Variants in SGPP1 observed in about 807,000 individuals in gnomAD.
SGPP1 encodes hSPP1.
In SGPP1, 21 loss-of-function variants were observed where a neutral mutation model predicts 33.0. That is an observed-to-expected ratio of 0.64 (90% confidence interval 0.45 to 0.92). The LOEUF (loss-of-function observed/expected upper bound fraction) is 0.92. Among genes scored for constraint, SGPP1 ranks in the 40% least tolerant of loss-of-function variants. SGPP1 has a pLI of 0.00. For missense variants in SGPP1, 543 were observed against 589.4 expected, an observed-to-expected ratio of 0.92 and a Z score of 0.81; for synonymous variants, 239 against 241.2, an observed-to-expected ratio of 0.99 and a Z score of 0.08.
intron 1 of SGPP1, among the ~76,000 whole-genome samples, chr14:63,719,658 A>G (rs1320488535): frequency 6.6e-6 from 1 of 152,086 alleles, no homozygotes; most frequent in Non-Finnish European, 1.5e-5. Context: ...ATATTAATAT[A>G]TTGGAACAGC....
intron 1 of SGPP1, among the ~76,000 whole-genome samples, chr14:63,721,279 C>A (rs1385580728): frequency 6.6e-6 from 1 of 151,598 alleles, no homozygotes; most frequent in African/African-American, 2.4e-5. Context: ...GACGCCATCT[C>A]AAAAAAAATA....
chr14:63,695,848 T>C (rs1885176806), intron 2 of SGPP1, among the ~76,000 whole-genome samples: 1 of 152,268 alleles, frequency 6.6e-6, no homozygotes, highest in Middle Eastern at 3.4e-3. Context: ...GAGTTTGAGA[T>C]TGCAGTGAGC....
In SGPP1 at chr14:63,728,037, G is replaced by C. The variant is rs1001382846; in HGVS notation, c.-93C>G. On this transcript the variant is annotated 5_prime_UTR_variant, in exon 1 of 3. Transcript: ENST00000247225. ...CCAGCGGCAGCGGAACCGGCACAGC[G>C]CTCTACCCTCCGGAGTCTGCCGGGT... 2 of 1,312,212 alleles carry C rather than the reference G, an allele frequency of 1.5e-6. No individual in the cohort carries two copies. The highest frequency in any genetic ancestry group is 1.5e-5 in the African/African-American group (1 of 64,792). The allele number at this position is 1,312,212 out of a possible 1,614,324, so 81.3% of individuals were successfully genotyped here. A position where few individuals can be genotyped will look rare whatever the true frequency, so the allele number is the denominator to read the frequency against.
chr14:63,717,248 A>C (rs1205654167), intron 1 of SGPP1, among the ~76,000 whole-genome samples: 3 of 152,038 alleles, frequency 2.0e-5, no homozygotes, highest in Non-Finnish European at 4.4e-5. Flanking sequence ...ATGCTTAAAA[A>C]AAAAAAAAAG....
At chr14:63,690,934 C>G (rs879736423) in intron 2 of SGPP1, among the ~76,000 whole-genome samples, 6 of 152,116 alleles carry the variant, frequency 3.9e-5, no homozygotes, top group Non-Finnish European at 7.3e-5. Context: ...AGGCTGGTCT[C>G]GAACTCCTGA....
intron 2 of SGPP1, among the ~76,000 whole-genome samples, chr14:63,694,005 C>A (rs558555738): frequency 2.0e-5 from 3 of 152,262 alleles, no homozygotes; most frequent in African/African-American, 7.2e-5. Flanking sequence ...ACTGGCCAGG[C>A]ACAGTGGCTC....
intron 2 of SGPP1, among the ~76,000 whole-genome samples, chr14:63,697,853 C>T (rs530705250): frequency 1.4e-4 from 21 of 152,158 alleles, no homozygotes; most frequent in Admixed American, 2.6e-4. Context: ...AGTATAGCAT[C>T]GTATTTGTGT....
intron 1 of SGPP1, among the ~76,000 whole-genome samples, chr14:63,706,252 T>C (rs1401023181): frequency 6.6e-6 from 1 of 152,152 alleles, no homozygotes; most frequent in Admixed American, 6.5e-5. Flanking sequence ...ACAACATGGA[T>C]GGTTGCCAGA....
chr14:63,727,398 A>G lies in SGPP1; in HGVS notation c.547T>C (p.Trp183Arg), dbSNP rs145224231. The G allele has an allele frequency of 6.2e-7, 1 of 1,613,802 alleles. No individual in the cohort carries two copies. Among genetic ancestry groups the G allele is most frequent in the African/African-American group, 1.3e-5 (1 of 74,946 alleles). The part of the protein sequence containing the change: ...LGQCTKDIIR[W>R]PRPASPPVVK... The stretch of plus-strand genomic sequence containing the variant: ...ACGGGCGGCGAGGCGGGCCTCGGCC[A>G]GCGGATGATGTCCTTGGTGCACTGG... Residue 183 changes from tryptophan (W) to arginine (R), a missense_variant, in exon 1 of 3, where the codon TGG becomes CGG. Trp to Arg is a moderately radical substitution (Grantham distance 101). Transcript: ENST00000247225.
chr14:63,719,366 A>T (rs1173097296), intron 1 of SGPP1, among the ~76,000 whole-genome samples: 2 of 152,058 alleles, frequency 1.3e-5, no homozygotes, highest in East Asian at 3.9e-4. Context: ...AATAAATTTG[A>T]TAACATACTG....
At chr14:63,700,917 A>G (rs1284995796) in intron 1 of SGPP1, among the ~76,000 whole-genome samples, 1 of 152,170 alleles carries the variant, frequency 6.6e-6, no homozygotes, top group Non-Finnish European at 1.5e-5. Context: ...AGCTTCCATC[A>G]GCCTAGGTCC....
chr14:63,712,219 A>T (rs1885537368), intron 1 of SGPP1, among the ~76,000 whole-genome samples: 1 of 152,192 alleles, frequency 6.6e-6, no homozygotes, highest in Non-Finnish European at 1.5e-5. Context: ...TAAGTCTTCT[A>T]TAAATTTCAG....
Position 63,689,474 on chromosome 14 carries a change from C to T in SGPP1, c.775-2818G>A, listed in dbSNP as rs376970584. Among the ~76,000 whole-genome samples the T allele has an allele frequency of 3.6e-4, 54 of 151,812 alleles. 1 individual carries two copies. Among genetic ancestry groups the T allele is most frequent in the African/African-American group, 9.4e-4 (39 of 41,442 alleles). On this transcript the variant is annotated intron_variant, in intron 2 of 2. Transcript: ENST00000247225. ...GCCATAAATACCTATTTTTTCAAAT[C>T]GTTTTACCACATATCTTCAAGCAAA... is the stretch of plus-strand genomic sequence containing the variant.
chr14:63,701,405 G>A (rs1885296703), intron 1 of SGPP1, among the ~76,000 whole-genome samples: 1 of 152,186 alleles, frequency 6.6e-6, no homozygotes. Context: ...GTTTCAGAGT[G>A]TAAATGGGGC....
At position 63,693,360 on chromosome 14, in the gene SGPP1, C is replaced by A. The variant is rs542820956; in HGVS notation, c.774+5209G>T. Reference sequence around the variant, plus strand: ...AAAGGCACAAGTCTTGGTAAATACCCATAGGATTTTGGCTACAAAAATAAA... The same window carrying A: ...AAAGGCACAAGTCTTGGTAAATACCAATAGGATTTTGGCTACAAAAATAAA... On this transcript the variant is annotated intron_variant, in intron 2 of 2. Coordinates refer to ENST00000247225, the MANE Select transcript of SGPP1 (RefSeq NM_030791.4). Among the ~76,000 whole-genome samples the A allele has an allele frequency of 2.0e-4, 30 of 152,294 alleles. 1 individual carries two copies. In the South Asian group the frequency reaches 6.2e-3, roughly 32 times the overall value.
chr14:63,689,076 T>C (rs1310287252), intron 2 of SGPP1, among the ~76,000 whole-genome samples: 1 of 152,176 alleles, frequency 6.6e-6, no homozygotes, highest in East Asian at 1.9e-4. Context: ...TTGCTTGATG[T>C]TTCTGTCTTA....
chr14:63,723,582 G>A (rs1385701717), intron 1 of SGPP1, among the ~76,000 whole-genome samples: 3 of 152,004 alleles, frequency 2.0e-5, no homozygotes, highest in Non-Finnish European at 2.9e-5. Context: ...AGCCGGGGGT[G>A]GTGGTGTGCG....
Position 63,688,096 on chromosome 14 carries a change from G to A in SGPP1, c.775-1440C>T, listed in dbSNP as rs368785999. 3.0e-4 allele frequency among the ~76,000 whole-genome samples: 45 copies of A among 152,140 alleles called. 1 individual carries two copies. The highest frequency in any genetic ancestry group is 9.6e-4 in the African/African-American group (40 of 41,504). On this transcript the variant is annotated intron_variant, in intron 2 of 2. Coordinates refer to ENST00000247225, the MANE Select transcript of SGPP1 (RefSeq NM_030791.4). ...GTCAAGATCGCACCATTGCACTCCA[G>A]CCTGGGCAACAAGAGTGAAACTCCA...
chr14:63,714,301 A>C (rs978093064), intron 1 of SGPP1, among the ~76,000 whole-genome samples: 5 of 152,240 alleles, frequency 3.3e-5, no homozygotes, highest in Non-Finnish European at 7.3e-5. Context: ...GGATCTCATC[A>C]AAAGGCTCAG....
Sources: allele counts gnomAD v4.1 joint callset (sites outside exome capture counted in the v4.1 genomes callset), GRCh38; gene constraint gnomAD v4.1.1; transcripts MANE v1.5; gene names NCBI Gene and HGNC (gene_info 2026-07-23, HGNC 2026-07-21).